Variants in ROBO1 observed in about 807,000 individuals in gnomAD.
ROBO1 encodes the protein roundabout guidance receptor 1, also known as roundabout homolog 1.
In ROBO1, 149 loss-of-function variants were observed where a neutral mutation model predicts 195.9. The ratio of observed to expected loss-of-function variants is 0.76; its 90% CI spans 0.67 to 0.87. ROBO1 has a LOEUF of 0.87. Among genes scored for constraint, ROBO1 ranks in the 40% least tolerant of loss-of-function variants. The pLI, the probability that ROBO1 is intolerant of heterozygous loss-of-function variation, is 0.00. For missense variants in ROBO1, 1,933 were observed against 2,068.3 expected (o/e 0.93, Z 1.27); for synonymous variants, 816 against 733.2 (o/e 1.11, Z -1.82).
intron 2 of ROBO1, among the ~76,000 whole-genome samples, chr3:79,407,695 A>G (rs1377656927): frequency 6.6e-6 from 1 of 152,138 alleles, no homozygotes; most frequent in East Asian, 1.9e-4. Context: ...TAGAAAAGAT[A>G]GAAGTATTAA....
intron 2 of ROBO1, among the ~76,000 whole-genome samples, chr3:79,243,726 A>G (rs1442708701): frequency 6.6e-6 from 1 of 152,150 alleles, no homozygotes; most frequent in Non-Finnish European, 1.5e-5. Context: ...GATTCTGGAT[A>G]TTAGCCCTTT....
At chr3:79,109,766 G>A (rs1188386433) in intron 3 of ROBO1, among the ~76,000 whole-genome samples, 1 of 151,948 alleles carries the variant, frequency 6.6e-6, no homozygotes, top group Admixed American at 6.6e-5. Context: ...TGATTTTGGG[G>A]GAATAAAAAG....
chr3:79,687,462 G>A (rs561192704), intron 1 of ROBO1, among the ~76,000 whole-genome samples: 10 of 152,110 alleles, frequency 6.6e-5, no homozygotes, highest in African/African-American at 1.2e-4. Context: ...GAAATTTTTC[G>A]CAATGTACTC....
At chr3:79,151,528 T>G (rs1475516837) in intron 2 of ROBO1, among the ~76,000 whole-genome samples, 3 of 151,846 alleles carry the variant, frequency 2.0e-5, no homozygotes, top group Non-Finnish European at 4.4e-5. Flanking sequence ...TCTATGCTCC[T>G]CTTTCTCTAT....
chr3:79,603,735 T>C (rs1944405123), intron 1 of ROBO1, among the ~76,000 whole-genome samples: 1 of 152,008 alleles, frequency 6.6e-6, no homozygotes, highest in Non-Finnish European at 1.5e-5. Flanking sequence ...TTTAGAGATC[T>C]GGAGGGGCAA....
At chr3:78,686,297 C>T (rs1454596171) in intron 9 of ROBO1, among the ~76,000 whole-genome samples, 1 of 152,018 alleles carries the variant, frequency 6.6e-6, no homozygotes, top group African/African-American at 2.4e-5. Context: ...TGGCTTACAC[C>T]TGTCATCCCA....
chr3:78,603,290 A>T (rs552500733), intron 29 of ROBO1, among the ~76,000 whole-genome samples: 2 of 152,274 alleles, frequency 1.3e-5, no homozygotes, highest in East Asian at 3.9e-4. Flanking sequence ...CGGGCTTTTT[A>T]TGCAGATTAT....
chr3:79,153,270 T>A (rs1235862253), intron 2 of ROBO1, among the ~76,000 whole-genome samples: 1 of 151,740 alleles, frequency 6.6e-6, no homozygotes, highest in Non-Finnish European at 1.5e-5. Flanking sequence ...ACCCTATCTT[T>A]ATCAGAGAGC....
intron 4 of ROBO1, among the ~76,000 whole-genome samples, chr3:78,819,379 G>A (rs1349119891): frequency 6.8e-6 from 1 of 147,628 alleles, no homozygotes; most frequent in Non-Finnish European, 1.5e-5. Context: ...CTTTTCACAT[G>A]TAGGGCTTTA....
chr3:78,905,189 TTCTTCC>T (rs1381760984), intron 4 of ROBO1, among the ~76,000 whole-genome samples: 2 of 152,196 alleles, frequency 1.3e-5, no homozygotes, highest in Admixed American at 1.3e-4. Context: ...CCTGGCATAC[TTCTTCC>T]TAAGGAGCTC....
At chr3:79,706,962 G>GT (rs201935321) in intron 1 of ROBO1, among the ~76,000 whole-genome samples, 3,092 of 151,768 alleles carry the variant, frequency 0.02, 55 homozygotes, top group Non-Finnish European at 0.03. Context: ...TTATTTGTAG[G>GT]TTTTTTTTCT....
intron 2 of ROBO1, among the ~76,000 whole-genome samples, chr3:79,260,373 G>T (rs2082917361): frequency 6.6e-6 from 1 of 151,854 alleles, no homozygotes; most frequent in Non-Finnish European, 1.5e-5. Flanking sequence ...ATTCTAAATA[G>T]ATATATATCT....
At chr3:79,386,577 CA>C (rs1184825310) in intron 2 of ROBO1, among the ~76,000 whole-genome samples, 2 of 152,042 alleles carry the variant, frequency 1.3e-5, no homozygotes, top group African/African-American at 4.8e-5. Context: ...TCTCACATTG[CA>C]GTTGACAGGG....
chr3:78,890,542 C>A (rs2036830657), intron 4 of ROBO1, among the ~76,000 whole-genome samples: 1 of 152,002 alleles, frequency 6.6e-6, no homozygotes, highest in Non-Finnish European at 1.5e-5. Context: ...TTATAGGAGC[C>A]CAAACTGATC....
intron 5 of ROBO1, among the ~76,000 whole-genome samples, chr3:78,738,414 G>C (rs549696466): frequency 6.6e-6 from 1 of 152,090 alleles, no homozygotes; most frequent in Admixed American, 6.6e-5. Flanking sequence ...GTTTTGTTTT[G>C]TTTTTTACTG....
rs1229827011 is a variant in ROBO1 at position 78,668,243 on chromosome 3, G to C, written c.1690C>G (p.Pro564Ala). The change falls in exon 13 of 31, where the codon CCA (proline) becomes GCA (alanine). Residue 564 changes from proline to alanine, a missense_variant. Pro to Ala is a conservative substitution (Grantham distance 27). Transcript: ENST00000464233. ...PTDPNLIPSAPSKPEVTDVSR... is the reference protein window; with the variant it reads ...PTDPNLIPSAASKPEVTDVSR... Reference sequence around the variant, plus strand: ...ACATCTGTCACTTCAGGTTTTGATGGGGCACTAGGGATTAAATTTGGGTCA... The same window carrying C: ...ACATCTGTCACTTCAGGTTTTGATGCGGCACTAGGGATTAAATTTGGGTCA... 1.2e-6 allele frequency: 2 copies of C among 1,613,820 alleles called. No homozygotes were observed. The highest frequency in any genetic ancestry group is 1.7e-6 in the Non-Finnish European group (2 of 1,179,814).
chr3:79,035,129 A>C (rs2108314169), intron 3 of ROBO1, among the ~76,000 whole-genome samples: 1 of 152,202 alleles, frequency 6.6e-6, no homozygotes, highest in Admixed American at 6.5e-5. Flanking sequence ...TCCTAAATTT[A>C]AAATGTTTTC....
At chr3:78,799,305 G>C (rs771352244) in intron 4 of ROBO1, among the ~76,000 whole-genome samples, 1 of 151,554 alleles carries the variant, frequency 6.6e-6, no homozygotes, top group African/African-American at 2.4e-5. Context: ...TCTAGTTTTA[G>C]AAAGTGAGTT....
chr3:79,418,322 A>G (rs1205151593), intron 2 of ROBO1, among the ~76,000 whole-genome samples: 2 of 152,140 alleles, frequency 1.3e-5, no homozygotes, highest in Non-Finnish European at 2.9e-5. Flanking sequence ...ATTAGAGATG[A>G]ACAAGAACTC....
Sources: gnomAD v4.1 joint callset for allele counts (sites outside exome capture counted in the v4.1 genomes callset) on GRCh38, gnomAD v4.1.1 for gene constraint, MANE v1.5 for transcripts, NCBI Gene and HGNC (gene_info 2026-07-23, HGNC 2026-07-21) for gene names.